DCDC1: variants seen among roughly 807,000 people sequenced by gnomAD.
DCDC1 encodes the protein doublecortin domain-containing protein 1.
In DCDC1, 200 loss-of-function variants were observed where a neutral mutation model predicts 178.3. That is an observed-to-expected ratio of 1.12 (90% CI 1.00 to 1.26). The LOEUF is 1.26. Ranked by LOEUF, DCDC1 falls within the 50% of genes most tolerant of loss-of-function variation. DCDC1 has a pLI of 0.00. For synonymous variants in DCDC1, 690 were observed against 604.8 expected (o/e 1.14, Z -2.07); for missense variants, 1,983 against 1,749.2 (o/e 1.13, Z -2.38).
chr11:30,917,856 T>G (rs1018694081), intron 25 of DCDC1, among the ~76,000 whole-genome samples: 5 of 152,358 alleles, frequency 3.3e-5, no homozygotes, highest in African/African-American at 9.6e-5. Flanking sequence ...CATAATTTGA[T>G]GTAACTACAA....
intron 11 of DCDC1, among the ~76,000 whole-genome samples, chr11:31,120,868 C>G (rs1960694165): frequency 6.6e-6 from 1 of 152,136 alleles, no homozygotes; most frequent in Admixed American, 6.6e-5. Flanking sequence ...GCAATCCTTT[C>G]TTTCCTGCCC....
rs1259744358 is a variant in DCDC1 at position 30,931,874 on chromosome 11, G to A, written c.2794C>T (p.Pro932Ser). The part of the protein sequence containing the change: ...MKKPICKTTE[P>S]YAPVRLRVLQ... Reference sequence around the variant, plus strand: ...ACTCTGAGTCGCACAGGGGCATATGGCTCTGTTGTCTTACAGATGGGTTTC... The same window carrying A: ...ACTCTGAGTCGCACAGGGGCATATGACTCTGTTGTCTTACAGATGGGTTTC... The change falls in exon 22 of 39, where the codon CCA (proline) becomes TCA (serine). Residue 932 changes from proline (P) to serine (S), a missense_variant. Coordinates refer to ENST00000684477, the MANE Select transcript of DCDC1 (RefSeq NM_001387274.1). 1.2e-6 allele frequency: 2 copies of A among 1,612,946 alleles called. No individual in the cohort carries two copies. Among genetic ancestry groups the A allele is most frequent in the African/African-American group, 2.7e-5 (2 of 74,868 alleles).
At chr11:31,283,649 G>A (rs1946611595) in intron 7 of DCDC1, among the ~76,000 whole-genome samples, 1 of 151,874 alleles carries the variant, frequency 6.6e-6, no homozygotes, top group Admixed American at 6.6e-5. Context: ...CTCTCCAACT[G>A]GTCAAAATGC....
rs74532221 is a variant in DCDC1, at chr11:31,141,903, G to C, written c.1222-4119C>G. 6.0e-3 allele frequency among the ~76,000 whole-genome samples: 909 copies of C among 152,324 alleles called. 12 individuals are homozygous for C. The highest frequency in any genetic ancestry group is 0.021 in the African/African-American group (874 of 41,564). ...ACGAAATCAATCATTTGTCCAGACT[G>C]TGGGAGTCAGAGTTAGTTACTGAAA... On this transcript the variant is annotated intron_variant, in intron 9 of 38. Coordinates refer to ENST00000684477, the MANE Select transcript of DCDC1 (RefSeq NM_001387274.1).
chr11:31,277,951 G>T (rs1354716767), intron 7 of DCDC1, among the ~76,000 whole-genome samples: 1 of 151,746 alleles, frequency 6.6e-6, no homozygotes, highest in Non-Finnish European at 1.5e-5. Flanking sequence ...CATATTTTTT[G>T]TGTCCTAAGA....
At chr11:31,021,918 A>T (rs1952903577) in intron 20 of DCDC1, among the ~76,000 whole-genome samples, 1 of 152,128 alleles carries the variant, frequency 6.6e-6, no homozygotes, top group African/African-American at 2.4e-5. Context: ...TACGTTTTCA[A>T]AGGCCTTACA....
At position 30,925,408 on chromosome 11, in the gene DCDC1, C is replaced by A; in HGVS notation, c.2898G>T (p.Gln966His). The A allele has an allele frequency of 3.1e-6, 5 of 1,613,318 alleles. No homozygotes were observed. Among genetic ancestry groups the A allele is most frequent in the Non-Finnish European group, 4.2e-6 (5 of 1,179,592 alleles). The change falls in exon 23 of 39, where the codon CAG (glutamine) becomes CAT (histidine). Residue 966 changes from glutamine (Q) to histidine (H), a missense_variant and splice_region_variant. Physicochemically the swap from Gln to His is conservative, Grantham distance 24. Coordinates refer to ENST00000684477, the MANE Select transcript of DCDC1 (RefSeq NM_001387274.1). ...GPDISPGRKT[Q>H]CTEILNLPSA... ...AAGGTAAATTTAAAATCTCAGTGCA[C>A]CTGTAATAAAAGACACAAAAATTGA...
intron 7 of DCDC1, among the ~76,000 whole-genome samples, chr11:31,284,289 A>C (rs996026740): frequency 6.6e-6 from 1 of 152,162 alleles, no homozygotes; most frequent in Non-Finnish European, 1.5e-5. Flanking sequence ...AATAAATAAT[A>C]TTGCTCTTAA....
At chr11:31,122,290 C>G (rs1198157822) in intron 11 of DCDC1, among the ~76,000 whole-genome samples, 1 of 152,118 alleles carries the variant, frequency 6.6e-6, no homozygotes, top group African/African-American at 2.4e-5. Context: ...GTTTTAGCTA[C>G]TTAGCAATTG....
intron 1 of DCDC1, among the ~76,000 whole-genome samples, chr11:31,360,880 G>A (rs1951677446): frequency 6.6e-6 from 1 of 152,158 alleles, no homozygotes; most frequent in African/African-American, 2.4e-5. Flanking sequence ...CTACTCTATA[G>A]ATAAAGGAGG....
chr11:31,305,555 T>C (rs1157717062), intron 6 of DCDC1, 60 bp downstream of exon 6: 10 of 1,542,974 alleles, frequency 6.5e-6, no homozygotes, highest in African/African-American at 2.8e-5. Flanking sequence ...CATTTTTTAA[T>C]TGCACCCCTT....
intron 9 of DCDC1, among the ~76,000 whole-genome samples, chr11:31,152,049 T>A (rs1965224687): frequency 6.6e-6 from 1 of 152,192 alleles, no homozygotes; most frequent in Admixed American, 6.5e-5. Context: ...TAACATCACA[T>A]CATACCTCAT....
At chr11:31,178,142 T>C (rs191900425) in intron 9 of DCDC1, among the ~76,000 whole-genome samples, 3 of 152,320 alleles carry the variant, frequency 2.0e-5, no homozygotes, top group East Asian at 1.9e-4. Context: ...ACAAAACAAG[T>C]TGTAACCAGC....
chr11:30,875,402 C>A (rs1398387103), intron 38 of DCDC1, among the ~76,000 whole-genome samples: 1 of 152,166 alleles, frequency 6.6e-6, no homozygotes, highest in Admixed American at 6.5e-5. Context: ...AACTGAGAGT[C>A]ACCACTGAGT....
At chr11:31,279,473 C>T (rs924662509) in intron 7 of DCDC1, among the ~76,000 whole-genome samples, 1 of 151,976 alleles carries the variant, frequency 6.6e-6, no homozygotes, top group Non-Finnish European at 1.5e-5. Flanking sequence ...TTCACAATGG[C>T]GAAGACTTGA....
chr11:31,193,960 G>A (rs1246326547), intron 9 of DCDC1, among the ~76,000 whole-genome samples: 3 of 152,054 alleles, frequency 2.0e-5, no homozygotes, highest in Non-Finnish European at 4.4e-5. Context: ...GAACTGAAGT[G>A]GACAGAAGTT....
Position 31,094,089 on chromosome 11 carries a change from C to G in DCDC1, c.2079G>C (p.Ser693=). 1 of 766,230 alleles carries G rather than the reference C, an allele frequency of 1.3e-6. No individual in the cohort carries two copies. Among genetic ancestry groups the G allele is most frequent in the African/African-American group, 1.7e-5 (1 of 59,228 alleles). 47.5% of individuals were successfully genotyped at this position (766,230 alleles called of 1,614,324 possible). A position where few individuals can be genotyped will look rare whatever the true frequency, so the allele number is the denominator to read the frequency against. Residue 693 remains serine (S), a synonymous_variant, in exon 16 of 39, where the codon TCG becomes TCC. Transcript: ENST00000684477. ...EASSRSQIAP[S]ILWPVASVWL... is the part of the protein sequence containing the mutation. Reference sequence around the variant, plus strand: ...ACACACTGGCTACAGGCCACAGGATCGATGGCGCTATTTGACTCCTGCTGC... The same window carrying G: ...ACACACTGGCTACAGGCCACAGGATGGATGGCGCTATTTGACTCCTGCTGC...
At chr11:30,912,362 C>A (rs1352399399) in intron 27 of DCDC1, among the ~76,000 whole-genome samples, 2 of 152,072 alleles carry the variant, frequency 1.3e-5, no homozygotes, top group Non-Finnish European at 2.9e-5. Context: ...CAACTCACTG[C>A]AACCTCTACC....
At chr11:30,879,686 T>C (rs1390970051) in intron 37 of DCDC1, among the ~76,000 whole-genome samples, 2 of 152,190 alleles carry the variant, frequency 1.3e-5, no homozygotes, top group Non-Finnish European at 1.5e-5. Context: ...AGAGCTAACA[T>C]GGAGGAAAAT....
Sources: allele counts gnomAD v4.1 joint callset (sites outside exome capture counted in the v4.1 genomes callset), GRCh38; gene constraint gnomAD v4.1.1; transcripts MANE v1.5; gene names NCBI Gene and HGNC (gene_info 2026-07-23, HGNC 2026-07-21).